KPNA3: variants seen among roughly 807,000 people sequenced by gnomAD.
The protein encoded by KPNA3 is importin subunit alpha-4.
KPNA3 carries 13 observed loss-of-function variants against 73.8 expected under a neutral mutation model. The ratio of observed to expected loss-of-function variants is 0.18; its 90% CI spans 0.11 to 0.28. KPNA3 has a LOEUF of 0.28. KPNA3 is among the 10% of genes least tolerant of loss of function. KPNA3 has a pLI of 1.00. For synonymous variants in KPNA3, 186 were observed against 206.9 expected (o/e 0.90, Z 0.87); for missense variants, 360 against 618.1 (o/e 0.58, Z 4.43).
intron 1 of KPNA3, among the ~76,000 whole-genome samples, chr13:49,791,313 A>T (rs1396096695): frequency 6.6e-6 from 1 of 152,244 alleles, no homozygotes; most frequent in African/African-American, 2.4e-5. Flanking sequence ...TTAGCAAAGA[A>T]GGCTGCGGCC....
intron 2 of KPNA3, among the ~76,000 whole-genome samples, chr13:49,736,475 C>T (rs892248056): frequency 6.6e-6 from 1 of 151,952 alleles, no homozygotes; most frequent in African/African-American, 2.4e-5. Flanking sequence ...CTGCTTTTTT[C>T]GATACTAACT....
At chr13:49,762,057 G>C (rs1304092968) in intron 1 of KPNA3, among the ~76,000 whole-genome samples, 3 of 151,726 alleles carry the variant, frequency 2.0e-5, no homozygotes, top group African/African-American at 7.3e-5. Flanking sequence ...CGCCCCGTCT[G>C]GGAAGTCAGG....
chr13:49,720,912 T>C (rs1271995211), intron 9 of KPNA3, among the ~76,000 whole-genome samples: 1 of 152,028 alleles, frequency 6.6e-6, no homozygotes, highest in Non-Finnish European at 1.5e-5. Context: ...AACTCCAATT[T>C]TGTCAGTAAT....
intron 2 of KPNA3, among the ~76,000 whole-genome samples, chr13:49,743,357 C>T (rs1452574952): frequency 6.6e-6 from 1 of 152,120 alleles, no homozygotes; most frequent in African/African-American, 2.4e-5. Flanking sequence ...TTGAAGAGCT[C>T]TCCACATCTC....
At chr13:49,704,858 TA>T (rs1336553484) in intron 15 of KPNA3, among the ~76,000 whole-genome samples, 3 of 152,232 alleles carry the variant, frequency 2.0e-5, no homozygotes, top group Admixed American at 6.5e-5. Flanking sequence ...CAGAAGTCAG[TA>T]ACCTTTTCCA....
intron 2 of KPNA3, among the ~76,000 whole-genome samples, chr13:49,739,066 T>C (rs1954550048): frequency 6.6e-6 from 1 of 152,172 alleles, no homozygotes; most frequent in Admixed American, 6.5e-5. Flanking sequence ...TTTTGGCTTA[T>C]TAATATGGGG....
chr13:49,764,113 G>A (rs1954790632), intron 1 of KPNA3, among the ~76,000 whole-genome samples: 1 of 131,286 alleles, frequency 7.6e-6, no homozygotes, highest in Non-Finnish European at 1.7e-5. Context: ...TTTTTAGTCT[G>A]TTGGGTTTGT....
At chr13:49,732,829 C>A in intron 3 of KPNA3, 53 bp from the exon 4 acceptor site, 1 of 1,420,104 alleles carries the variant, frequency 7.0e-7, no homozygotes, top group Non-Finnish European at 9.8e-7. Context: ...AAATTACATT[C>A]ATTAAACAGT....
intron 1 of KPNA3, among the ~76,000 whole-genome samples, chr13:49,789,268 T>G (rs561981380): frequency 4.1e-4 from 63 of 152,346 alleles, no homozygotes; most frequent in African/African-American, 1.5e-3. Context: ...TCTTCTTTTT[T>G]ACCTGGATAT....
At position 49,721,637 on chromosome 13, in the gene KPNA3, G is replaced by T. The variant is rs574666586; in HGVS notation, c.726+318C>A. ...GGTCGAGACCATCCTGGCTAACATG[G>T]TGAAACCCCGTCTGTACTAAAAATA... On this transcript the variant is annotated intron_variant, in intron 9 of 16. Coordinates refer to ENST00000261667, the MANE Select transcript of KPNA3 (RefSeq NM_002267.4). 6.7e-4 allele frequency among the ~76,000 whole-genome samples: 102 copies of T among 152,180 alleles called. 1 individual carries two copies. Among genetic ancestry groups the T allele is most frequent in the African/African-American group, 2.4e-3 (100 of 41,540 alleles).
At chr13:49,773,338 T>A (rs1464064057) in intron 1 of KPNA3, among the ~76,000 whole-genome samples, 1 of 152,244 alleles carries the variant, frequency 6.6e-6, no homozygotes, top group Non-Finnish European at 1.5e-5. Flanking sequence ...TAAATACTGA[T>A]GTGTATTACT....
intron 1 of KPNA3, among the ~76,000 whole-genome samples, chr13:49,748,336 G>A (rs1297388734): frequency 1.3e-5 from 2 of 152,074 alleles, no homozygotes; most frequent in Non-Finnish European, 2.9e-5. Flanking sequence ...AGTTTAAGAG[G>A]ATCTATCAGG....
chr13:49,716,153 T>C (rs1037704838), intron 10 of KPNA3, among the ~76,000 whole-genome samples: 3 of 152,192 alleles, frequency 2.0e-5, no homozygotes, highest in Admixed American at 1.3e-4. Flanking sequence ...CAAATACTTG[T>C]AGTCTCTAAT....
chr13:49,759,944 G>A (rs1954744703), intron 1 of KPNA3, among the ~76,000 whole-genome samples: 1 of 152,290 alleles, frequency 6.6e-6, no homozygotes, highest in South Asian at 2.1e-4. Context: ...CAGTGGTGAT[G>A]TCAACATAAC....
chr13:49,741,702 C>T (rs9535318), intron 2 of KPNA3, among the ~76,000 whole-genome samples: 29,514 of 152,208 alleles, frequency 0.19, 3,422 homozygotes, highest in Middle Eastern at 0.27. Flanking sequence ...GATCCGCCCG[C>T]CTCGGCCTCC....
At chr13:49,729,428 G>A (rs943552719) in intron 6 of KPNA3, among the ~76,000 whole-genome samples, 3 of 152,020 alleles carry the variant, frequency 2.0e-5, no homozygotes, top group Admixed American at 6.6e-5. Flanking sequence ...AGTCTTTCAA[G>A]ATGTCATGTG....
chr13:49,792,465 G>A lies in KPNA3; in HGVS notation c.42C>T (p.Ser14=). The change falls in exon 1 of 17, where the codon AGC becomes AGT. Residue 14 remains serine (S), a synonymous_variant. Coordinates refer to ENST00000261667, the MANE Select transcript of KPNA3 (RefSeq NM_002267.4). ...CCACATCGCGGCCCTTGTTCTTGAAGCTCTTGATGCGGTGGTTCTCCAAGC... is the reference window on the plus strand; with the variant it reads ...CCACATCGCGGCCCTTGTTCTTGAAACTCTTGATGCGGTGGTTCTCCAAGC... ...NPSLENHRIK[S]FKNKGRDVET... The A allele has an allele frequency of 6.3e-7, 1 of 1,582,786 alleles. No individual in the cohort carries two copies. Among genetic ancestry groups the A allele is most frequent in the Non-Finnish European group, 8.6e-7 (1 of 1,166,166 alleles).
intron 1 of KPNA3, among the ~76,000 whole-genome samples, chr13:49,772,827 A>G (rs1954865949): frequency 6.6e-6 from 1 of 152,204 alleles, no homozygotes; most frequent in South Asian, 2.1e-4. Context: ...ACAGTTAAAT[A>G]CACACTTATA....
chr13:49,773,105 A>G (rs1400915413), intron 1 of KPNA3, among the ~76,000 whole-genome samples: 1 of 152,228 alleles, frequency 6.6e-6, no homozygotes, highest in Non-Finnish European at 1.5e-5. Flanking sequence ...TTTTAAAAAA[A>G]TCAGACACAA....
Sources: gnomAD v4.1 joint callset for allele counts (sites outside exome capture counted in the v4.1 genomes callset) on GRCh38, gnomAD v4.1.1 for gene constraint, MANE v1.5 for transcripts, NCBI Gene and HGNC (gene_info 2026-07-23, HGNC 2026-07-21) for gene names.